The following DNAJC1 variants were observed in gnomAD, a reference collection of about 807,000 sequenced individuals.
DNAJC1 encodes the protein DnaJ heat shock protein family (Hsp40) member C1, also known as dnaJ homolog subfamily C member 1.
DNAJC1 carries 58 observed loss-of-function variants against 76.6 expected under a neutral mutation model. That is an observed-to-expected ratio of 0.76 (90% CI 0.61 to 0.94). DNAJC1 has a LOEUF of 0.94. Ranked by LOEUF, DNAJC1 falls within the 40% of genes least tolerant of loss-of-function variation. DNAJC1 has a pLI of 0.00. For synonymous variants in DNAJC1, 258 were observed against 267.9 expected (o/e 0.96, Z 0.36); for missense variants, 689 against 677.3 (o/e 1.02, Z -0.19).
At chr10:21,908,032 TA>T (rs1836776525) in intron 6 of DNAJC1, among the ~76,000 whole-genome samples, 1 of 33,980 alleles carries the variant, frequency 2.9e-5, no homozygotes, top group Non-Finnish European at 4.3e-5. Flanking sequence ...TATAAATATA[TA>T]ATATAATATA....
intron 3 of DNAJC1, among the ~76,000 whole-genome samples, chr10:21,922,802 A>G (rs935832931): frequency 3.3e-5 from 5 of 151,926 alleles, no homozygotes; most frequent in African/African-American, 1.2e-4. Flanking sequence ...AGGGAGAAAA[A>G]AGGTGAATAT....
chr10:21,884,253 C>T (rs992393295), intron 7 of DNAJC1, among the ~76,000 whole-genome samples: 20 of 151,988 alleles, frequency 1.3e-4, no homozygotes, highest in Admixed American at 1.1e-3. Context: ...AAAATATAGG[C>T]AAAAGGTCAT....
At chr10:21,951,775 G>T (rs935463573) in intron 1 of DNAJC1, among the ~76,000 whole-genome samples, 2 of 152,104 alleles carry the variant, frequency 1.3e-5, no homozygotes, top group Non-Finnish European at 2.9e-5. Flanking sequence ...CTACCCCTGA[G>T]AAACAGGCCA....
intron 8 of DNAJC1, among the ~76,000 whole-genome samples, chr10:21,807,807 T>C (rs1834904008): frequency 6.6e-6 from 1 of 152,194 alleles, no homozygotes; most frequent in South Asian, 2.1e-4. Context: ...GGTCGGAATT[T>C]CTTTGATATT....
At chr10:21,772,950 G>A (rs1050619051) in intron 9 of DNAJC1, among the ~76,000 whole-genome samples, 2 of 152,100 alleles carry the variant, frequency 1.3e-5, no homozygotes, top group Non-Finnish European at 2.9e-5. Context: ...AGAGCAGGAG[G>A]AACAGAGAGC....
intron 9 of DNAJC1, among the ~76,000 whole-genome samples, chr10:21,772,263 C>A (rs1003575943): frequency 7.0e-5 from 10 of 142,004 alleles, no homozygotes; most frequent in Middle Eastern, 3.2e-3. Context: ...GAAATATTCA[C>A]CCCTCTTCTT....
intron 9 of DNAJC1, among the ~76,000 whole-genome samples, chr10:21,803,508 A>T (rs374674861): frequency 6.6e-6 from 1 of 152,010 alleles, no homozygotes; most frequent in South Asian, 2.1e-4. Context: ...GAACCATTTT[A>T]GCTGTTTCAA....
At chr10:21,756,855 C>G (rs947893975) in intron 11 of DNAJC1, 100 bp from the exon 12 acceptor site, 1 of 1,071,782 alleles carries the variant, frequency 9.3e-7, no homozygotes, top group African/African-American at 1.6e-5. Context: ...AAGAGCCTCA[C>G]GTCCAGTCCC....
chr10:21,776,549 G>A (rs1416861829), intron 9 of DNAJC1, among the ~76,000 whole-genome samples: 1 of 152,192 alleles, frequency 6.6e-6, no homozygotes, highest in African/African-American at 2.4e-5. Context: ...GGCATGTTCT[G>A]TTACCTGAAC....
chr10:21,893,608 C>T (rs1467217710), intron 7 of DNAJC1, among the ~76,000 whole-genome samples: 1 of 151,658 alleles, frequency 6.6e-6, no homozygotes, highest in Non-Finnish European at 1.5e-5. Context: ...GCCTGGGCCA[C>T]AGAGTGAGAC....
intron 9 of DNAJC1, among the ~76,000 whole-genome samples, chr10:21,801,450 T>A (rs1308900007): frequency 1.3e-5 from 2 of 152,114 alleles, no homozygotes; most frequent in African/African-American, 4.8e-5. Flanking sequence ...CTCACACCAG[T>A]CAGAATGGCT....
intron 8 of DNAJC1, among the ~76,000 whole-genome samples, chr10:21,877,783 G>T (rs952586769): frequency 1.3e-5 from 2 of 152,296 alleles, no homozygotes; most frequent in Middle Eastern, 3.4e-3. Flanking sequence ...ACAATATGGA[G>T]GTTGGGGCGC....
chr10:21,885,789 A>G (rs1453468156), intron 7 of DNAJC1, among the ~76,000 whole-genome samples: 1 of 152,208 alleles, frequency 6.6e-6, no homozygotes, highest in Admixed American at 6.5e-5. Flanking sequence ...GAAACTAATG[A>G]AAACAAAGAT....
chr10:21,938,048 T>C (rs1050964713), intron 1 of DNAJC1, among the ~76,000 whole-genome samples: 4 of 152,110 alleles, frequency 2.6e-5, no homozygotes, highest in Non-Finnish European at 5.9e-5. Context: ...TGTTTGAGAC[T>C]AAAATAGGAA....
intron 8 of DNAJC1, 23 bp downstream of exon 8, chr10:21,882,259 C>T: frequency 1.9e-6 from 3 of 1,584,212 alleles, no homozygotes; most frequent in Non-Finnish European, 2.6e-6. Context: ...TTACTCAAAA[C>T]AAGTTTTATA....
chr10:21,974,707 A>G (rs1417143764), intron 1 of DNAJC1, among the ~76,000 whole-genome samples: 1 of 152,190 alleles, frequency 6.6e-6, no homozygotes, highest in Non-Finnish European at 1.5e-5. Flanking sequence ...ACCTGTAGCA[A>G]TATATACAAG....
intron 1 of DNAJC1, among the ~76,000 whole-genome samples, chr10:21,940,801 T>C (rs940435268): frequency 1.8e-4 from 28 of 152,198 alleles, no homozygotes; most frequent in African/African-American, 6.5e-4. Flanking sequence ...AGACCAACTA[T>C]CCACAGAACA....
chr10:21,976,666 A>T (rs1337942993), intron 1 of DNAJC1, among the ~76,000 whole-genome samples: 1 of 152,228 alleles, frequency 6.6e-6, no homozygotes, highest in Non-Finnish European at 1.5e-5. Flanking sequence ...CAGAAGTCTG[A>T]AAAGGTTACC....
chr10:21,891,807 T>C lies in DNAJC1; in HGVS notation c.821-9368A>G, dbSNP rs567130736. On this transcript the variant is annotated intron_variant, in intron 7 of 11. Coordinates refer to ENST00000376980, the MANE Select transcript of DNAJC1 (RefSeq NM_022365.4). ...CACCAGTGGACCTATCCTGCAATAA[T>C]GGCTAAAAGAAGCTCTATAAACAGA... Among the ~76,000 whole-genome samples the C allele has an allele frequency of 9.2e-5, 14 of 152,218 alleles. 1 individual carries two copies. The South Asian group carries it at 1.2e-3, about 14-fold the overall frequency.
Sources: gnomAD v4.1 joint callset for allele counts (sites outside exome capture counted in the v4.1 genomes callset) on GRCh38, gnomAD v4.1.1 for gene constraint, MANE v1.5 for transcripts, NCBI Gene and HGNC (gene_info 2026-07-23, HGNC 2026-07-21) for gene names.